The following AUTS2 variants were observed in gnomAD, a reference collection of about 807,000 sequenced individuals.
AUTS2 encodes the protein activator of transcription and developmental regulator AUTS2.
In AUTS2, 17 loss-of-function variants were observed where a neutral mutation model predicts 112.4. That is an observed-to-expected ratio of 0.15 (90% CI 0.10 to 0.23). The LOEUF is 0.23. Among genes scored for constraint, AUTS2 ranks in the 10% least tolerant of loss-of-function variants. The probability of loss-of-function intolerance (pLI) is 1.00; values close to 1 mark genes in which losing one functional copy is unlikely to be tolerated. For synonymous variants in AUTS2, 751 were observed against 702.7 expected (o/e 1.07, Z -1.09); for missense variants, 1,510 against 1,701.6 (o/e 0.89, Z 1.98).
chr7:70,349,606 G>A (rs1300261017), intron 4 of AUTS2, among the ~76,000 whole-genome samples: 1 of 151,568 alleles, frequency 6.6e-6, no homozygotes, highest in African/African-American at 2.4e-5. Context: ...TCTGAGCTTT[G>A]TTACACTGTA....
intron 6 of AUTS2, among the ~76,000 whole-genome samples, chr7:70,734,956 T>G (rs2064532328): frequency 6.6e-6 from 1 of 151,636 alleles, no homozygotes; most frequent in South Asian, 2.1e-4. Context: ...GCAAGAGAGA[T>G]AATTATAAGC....
At chr7:69,683,692 T>C (rs1584065184) in intron 1 of AUTS2, among the ~76,000 whole-genome samples, 1 of 147,234 alleles carries the variant, frequency 6.8e-6, no homozygotes, top group Non-Finnish European at 1.5e-5. Context: ...AGGCCAGGAG[T>C]TCAAGATCAG....
At chr7:70,160,290 A>G (rs1357749417) in intron 4 of AUTS2, among the ~76,000 whole-genome samples, 1 of 152,164 alleles carries the variant, frequency 6.6e-6, no homozygotes, top group East Asian at 1.9e-4. Context: ...AGCTTACCAT[A>G]TAAAGAAAGA....
At chr7:69,871,748 G>A (rs1248568034) in intron 1 of AUTS2, among the ~76,000 whole-genome samples, 1 of 152,196 alleles carries the variant, frequency 6.6e-6, no homozygotes, top group African/African-American at 2.4e-5. Context: ...ATGTTTGGGT[G>A]AGACAGAGCA....
At chr7:70,010,276 G>T (rs1274913069) in intron 2 of AUTS2, among the ~76,000 whole-genome samples, 1 of 152,090 alleles carries the variant, frequency 6.6e-6, no homozygotes, top group East Asian at 1.9e-4. Flanking sequence ...CTCCCAAGTG[G>T]CTAGTACTAC....
At chr7:70,775,278 T>G in intron 12 of AUTS2, 79 bp from the exon 13 acceptor site, 1 of 1,174,224 alleles carries the variant, frequency 8.5e-7, no homozygotes. Flanking sequence ...CCCCTCCTAA[T>G]GAAGCACTAC....
chr7:70,284,893 C>A (rs755053148), intron 4 of AUTS2, among the ~76,000 whole-genome samples: 1 of 152,172 alleles, frequency 6.6e-6, no homozygotes, highest in Non-Finnish European at 1.5e-5. Context: ...ATCAAAAACT[C>A]TAGACTCCTT....
At chr7:70,569,902 CT>C (rs77906636) in intron 5 of AUTS2, among the ~76,000 whole-genome samples, 9 of 149,424 alleles carry the variant, frequency 6.0e-5, no homozygotes, top group African/African-American at 1.7e-4. Context: ...CCGTTCCCCT[CT>C]TTTTTTTTTC....
rs1382818705 is a variant in AUTS2, at chr7:70,304,832, A to G, written c.661-130920A>G. ...ATTTCGGATTTGGGATGCTCAACCTATAATACCCAAAGGCTCTATTTCAGT... is the reference window on the plus strand; with the variant it reads ...ATTTCGGATTTGGGATGCTCAACCTGTAATACCCAAAGGCTCTATTTCAGT... On this transcript the variant is annotated intron_variant, in intron 4 of 18. Transcript: ENST00000342771. Among the ~76,000 whole-genome samples the G allele has an allele frequency of 5.5e-5, 8 of 146,454 alleles. No individual in the cohort carries two copies. The East Asian group carries it at 1.6e-3, about 30-fold the overall frequency.
intron 1 of AUTS2, among the ~76,000 whole-genome samples, chr7:69,634,079 G>A (rs1794403342): frequency 6.6e-6 from 1 of 151,312 alleles, no homozygotes; most frequent in Non-Finnish European, 1.5e-5. Context: ...TTTCTCGTTA[G>A]TTAGTGCTTT....
Position 70,763,230 on chromosome 7 carries a change from C to T in AUTS2, c.1103C>T (p.Thr368Ile), listed in dbSNP as rs2129557008. Reference sequence around the variant, plus strand: ...AGGCCACCCAGGCCACAGTCCCCCACCCAGCTGCTCCATCAGAACCTCCCA... The same window carrying T: ...AGGCCACCCAGGCCACAGTCCCCCATCCAGCTGCTCCATCAGAACCTCCCA... The part of the protein sequence containing the change: ...VQRPPRPQSP[T>I]QLLHQNLPPV... The change falls in exon 7 of 19, where the codon ACC becomes ATC. Residue 368 changes from threonine (T) to isoleucine (I), a missense_variant. By Grantham distance (89) the Thr-to-Ile change is moderately conservative. Around this residue, in one of 3 missense-constraint regions of AUTS2, gnomAD observed 535 missense variants for 594.3 expected, o/e 0.90. Transcript: ENST00000342771. 1.2e-6 allele frequency: 2 copies of T among 1,614,132 alleles called. No individual in the cohort carries two copies. The highest frequency in any genetic ancestry group is 4.5e-5 in the East Asian group (2 of 44,874).
At chr7:69,770,781 C>A (rs747725867) in intron 1 of AUTS2, among the ~76,000 whole-genome samples, 8 of 144,510 alleles carry the variant, frequency 5.5e-5, no homozygotes, top group Non-Finnish European at 1.2e-4. Context: ...TGCATAATAA[C>A]TACTTCCGCT....
At chr7:69,655,535 G>A (rs1380045497) in intron 1 of AUTS2, among the ~76,000 whole-genome samples, 1 of 152,236 alleles carries the variant, frequency 6.6e-6, no homozygotes, top group Non-Finnish European at 1.5e-5. Flanking sequence ...AATTCTGGCA[G>A]TGCGGGGCAC....
chr7:70,136,934 C>A (rs1448731778), intron 4 of AUTS2, among the ~76,000 whole-genome samples: 1 of 152,192 alleles, frequency 6.6e-6, no homozygotes. Context: ...ATAAAATAGA[C>A]ACCTGAGTAT....
intron 2 of AUTS2, among the ~76,000 whole-genome samples, chr7:70,016,998 A>T (rs151167892): frequency 9.2e-5 from 14 of 152,244 alleles, no homozygotes; most frequent in African/African-American, 2.9e-4. Context: ...GATTGTAGGG[A>T]TAGAGAATGG....
At chr7:69,792,699 G>T (rs1789668126) in intron 1 of AUTS2, among the ~76,000 whole-genome samples, 1 of 152,024 alleles carries the variant, frequency 6.6e-6, no homozygotes, top group East Asian at 1.9e-4. Context: ...CAGATTCTTA[G>T]TGAATCTACG....
At chr7:69,929,403 T>C (rs997168039) in intron 2 of AUTS2, among the ~76,000 whole-genome samples, 1 of 152,134 alleles carries the variant, frequency 6.6e-6, no homozygotes, top group Non-Finnish European at 1.5e-5. Flanking sequence ...TTCATCATTT[T>C]TATGAAGTTT....
At chr7:70,456,672 C>G (rs894973770) in intron 5 of AUTS2, among the ~76,000 whole-genome samples, 5 of 152,220 alleles carry the variant, frequency 3.3e-5, no homozygotes, top group African/African-American at 1.2e-4. Context: ...CATAGGTGTT[C>G]AGAGCACACA....
chr7:70,601,243 G>C (rs1803458176), intron 5 of AUTS2, among the ~76,000 whole-genome samples: 1 of 152,204 alleles, frequency 6.6e-6, no homozygotes. Context: ...TCTCAGTGTA[G>C]TTTTAGTTTG....
Sources: allele counts gnomAD v4.1 joint callset (sites outside exome capture counted in the v4.1 genomes callset), GRCh38; gene constraint gnomAD v4.1.1; regional missense constraint gnomAD v4.1.1; transcripts MANE v1.5; gene names NCBI Gene and HGNC (gene_info 2026-07-23, HGNC 2026-07-21).